The following SLC17A2 variants were observed in gnomAD, a reference collection of about 807,000 sequenced individuals.
SLC17A2 encodes the protein sodium-dependent phosphate transport protein 3.
A neutral mutation model predicts 52.1 loss-of-function variants in SLC17A2; 38 were observed. That is an observed-to-expected ratio of 0.73 (90% CI 0.56 to 0.96). SLC17A2 has a LOEUF of 0.96. Ranked by LOEUF, SLC17A2 falls within the 40% of genes least tolerant of loss-of-function variation. The probability of loss-of-function intolerance (pLI) is 0.00; values close to 1 mark genes in which losing one functional copy is unlikely to be tolerated. For synonymous variants in SLC17A2, 226 were observed against 211.9 expected (o/e 1.07, Z -0.58); for missense variants, 508 against 583.9 (o/e 0.87, Z 1.34).
chr6:25,917,405 A>T (rs1182295667), intron 6 of SLC17A2, among the ~76,000 whole-genome samples: 1 of 152,258 alleles, frequency 6.6e-6, no homozygotes, highest in Non-Finnish European at 1.5e-5. Context: ...TTAGGCAGCA[A>T]CTTCTTAATG....
Position 25,921,036 on chromosome 6 carries a change from G to A in SLC17A2, c.532C>T (p.Arg178Ter), listed in dbSNP as rs567898968. The A allele has an allele frequency of 3.1e-6, 5 of 1,614,196 alleles. No individual in the cohort carries two copies. Among genetic ancestry groups the A allele is most frequent in the Admixed American group, 1.7e-5 (1 of 60,016 alleles). ...IWAKWAPPLE[R>*]SKLTTIAGSG... ...CCTGCAATGGTGGTGAGCTTGCTTC[G>A]TTCAAGTGGAGGAGCCCACTTTGCC... Residue 178 changes from arginine (R) to a stop codon, truncating the protein, a stop_gained, in exon 5 of 12, where the codon CGA becomes TGA. Transcript: ENST00000377850. LOFTEE classifies it high-confidence loss of function.
rs924003328 is a variant in SLC17A2, at chr6:25,930,594, G to A, written c.-401C>T. On this transcript the variant is annotated 5_prime_UTR_variant, in exon 1 of 12. Transcript: ENST00000377850. ...TAGACTATAAGGCTAACTTGGAAAAGGAGGGAGTTTTCTGTCCCTTCTTCC... is the reference window on the plus strand; with the variant it reads ...TAGACTATAAGGCTAACTTGGAAAAAGAGGGAGTTTTCTGTCCCTTCTTCC... 3.9e-5 allele frequency: 6 copies of A among 152,178 alleles called. No individual in the cohort carries two copies. Among genetic ancestry groups the A allele is most frequent in the Non-Finnish European group, 5.9e-5 (4 of 68,036 alleles). 9.4% of individuals were successfully genotyped at this position (152,178 alleles called of 1,614,324 possible).
At chr6:25,917,342 T>C (rs1766365936) in intron 6 of SLC17A2, among the ~76,000 whole-genome samples, 1 of 152,268 alleles carries the variant, frequency 6.6e-6, no homozygotes, top group Non-Finnish European at 1.5e-5. Context: ...AGCGTGGCAT[T>C]GCATAGCTGA....
chr6:25,921,269 G>T lies in SLC17A2; in HGVS notation c.384C>A (p.Ile128=). 1.2e-6 allele frequency: 2 copies of T among 1,614,158 alleles called. No individual in the cohort carries two copies. The highest frequency in any genetic ancestry group is 2.2e-5 in the South Asian group (2 of 91,074). The change falls in exon 4 of 12, where the codon ATC becomes ATA. Residue 128 remains isoleucine (I), a synonymous_variant. Coordinates refer to ENST00000377850, the MANE Select transcript of SLC17A2 (RefSeq NM_001286123.3). ...AKKMLGAGLL[I]SSLLTLFTPL... Reference sequence around the variant, plus strand: ...GTGTAAAGAGGGTGAGAAGGGAAGAGATCAGCAAACCAGCACCAAGCATTT... The same window carrying T: ...GTGTAAAGAGGGTGAGAAGGGAAGATATCAGCAAACCAGCACCAAGCATTT...
Position 25,913,250 on chromosome 6 carries a change from G to C in SLC17A2, c.*67C>G. Reference sequence around the variant, plus strand: ...TGCTGAGTCTATGGTCAGGAATATGGAGAGAAGTAAAAAATGTTTAAAAAG... The same window carrying C: ...TGCTGAGTCTATGGTCAGGAATATGCAGAGAAGTAAAAAATGTTTAAAAAG... On this transcript the variant is annotated 3_prime_UTR_variant, in exon 12 of 12. Transcript: ENST00000377850. 1 of 1,556,590 alleles carries C rather than the reference G, an allele frequency of 6.4e-7. No individual in the cohort carries two copies. The highest frequency in any genetic ancestry group is 8.9e-7 in the Non-Finnish European group (1 of 1,128,086).
chr6:25,915,156 T>TATATATATATATATAC, intron 10 of SLC17A2, among the ~76,000 whole-genome samples: 1 of 106,680 alleles, frequency 9.4e-6, no homozygotes, highest in African/African-American at 4.8e-5. Context: ...ACTGTATATA[T>TATATATATATATATAC]ATATATATAT....
At position 25,921,166 on chromosome 6, in the gene SLC17A2, A is replaced by G; in HGVS notation, c.474+13T>C. The G allele has an allele frequency of 1.2e-6, 2 of 1,613,920 alleles. No individual in the cohort carries two copies. Among genetic ancestry groups the G allele is most frequent in the South Asian group, 2.2e-5 (2 of 91,066 alleles). On this transcript the variant is annotated intron_variant, in intron 4 of 11. Coordinates refer to ENST00000377850, the MANE Select transcript of SLC17A2 (RefSeq NM_001286123.3). ...ATCTGGATCCCACCAAGAATGAGAAAGTATCTGGATACCTGGGCCATGCCC... is the reference window on the plus strand; with the variant it reads ...ATCTGGATCCCACCAAGAATGAGAAGGTATCTGGATACCTGGGCCATGCCC...
rs1369588138 is a variant in SLC17A2, at chr6:25,915,495, T to C, written c.1211+4A>G. On this transcript the variant is annotated splice_donor_region_variant and intron_variant, in intron 10 of 11. Transcript: ENST00000377850. The stretch of plus-strand genomic sequence containing the variant: ...GGAGGGGAAAAAACAGGTAGAGCTC[T>C]TACCTGGGGGCGATATCTAAGGTGT... 6.5e-7 allele frequency: 1 copy of C among 1,548,994 alleles called. No homozygotes were observed. Among genetic ancestry groups the C allele is most frequent in the African/African-American group, 1.4e-5 (1 of 72,930 alleles).
chr6:25,930,364 G>A lies in SLC17A2; in HGVS notation c.-171C>T, dbSNP rs1317866987. On this transcript the variant is annotated 5_prime_UTR_variant, in exon 1 of 12. Coordinates refer to ENST00000377850, the MANE Select transcript of SLC17A2 (RefSeq NM_001286123.3). ...TTGCCCTAGGGTCTTCATTGAATCA[G>A]TTATCTTTTTCAGAGAGTCTCTTCA... is the stretch of plus-strand genomic sequence containing the variant. 3 of 152,132 alleles carry A rather than the reference G, an allele frequency of 2.0e-5. No homozygotes were observed. The highest frequency in any genetic ancestry group is 4.4e-5 in the Non-Finnish European group (3 of 68,020). The allele number at this position is 152,132 out of a possible 1,614,324, so 9.4% of individuals were successfully genotyped here.
intron 3 of SLC17A2, among the ~76,000 whole-genome samples, chr6:25,922,724 A>T (rs189597632): frequency 6.0e-4 from 92 of 152,304 alleles, no homozygotes; most frequent in Middle Eastern, 3.4e-3. Flanking sequence ...TTAAAGGATA[A>T]TTTTTTTAAT....
chr6:25,928,132 G>A (rs142261293), intron 1 of SLC17A2, among the ~76,000 whole-genome samples: 4 of 151,960 alleles, frequency 2.6e-5, no homozygotes, highest in Admixed American at 6.6e-5. Context: ...GAAAATTTGC[G>A]TAGAAAATTT....
chr6:25,920,277 C>T (rs1766502280), intron 5 of SLC17A2, among the ~76,000 whole-genome samples: 1 of 152,148 alleles, frequency 6.6e-6, no homozygotes, highest in Non-Finnish European at 1.5e-5. Flanking sequence ...CGAGTATATA[C>T]TCTCAGCACG....
At chr6:25,915,350 TA>T in intron 10 of SLC17A2, 148 bp downstream of exon 10, 2 of 721,660 alleles carry the variant, frequency 2.8e-6, no homozygotes, top group Non-Finnish European at 4.3e-6. Context: ...TTTGTTGTTC[TA>T]AAAATGGCCA....
rs1408418150 is a variant in SLC17A2, at chr6:25,913,307, C to A, written c.*10G>T. 6.2e-7 allele frequency: 1 copy of A among 1,614,082 alleles called. No individual in the cohort carries two copies. The highest frequency in any genetic ancestry group is 8.5e-7 in the Non-Finnish European group (1 of 1,179,962). On this transcript the variant is annotated 3_prime_UTR_variant, in exon 12 of 12. Transcript: ENST00000377850. The stretch of plus-strand genomic sequence containing the variant: ...CTCAGTACCACATTTAAGTTTGTAA[C>A]TTTATGTCCTCAGAGGCGGGTAAGG...
At position 25,923,648 on chromosome 6, in the gene SLC17A2, CAA is replaced by C. The variant is rs759370670; in HGVS notation, c.240+45_240+46del. On this transcript the variant is annotated intron_variant, in intron 3 of 11. Coordinates refer to ENST00000377850, the MANE Select transcript of SLC17A2 (RefSeq NM_001286123.3). ...AGAATCAAGATCTATGCCTTCCTTT[CAA>C]AGTTTTTTCTCTCAACAAAGAGCCC... 8 of 1,453,204 alleles carry C rather than the reference CAA, an allele frequency of 5.5e-6. No homozygotes were observed. The East Asian group carries it at 1.8e-4, about 33-fold the overall frequency. The allele number at this position is 1,453,204 out of a possible 1,614,324, so 90.0% of individuals were successfully genotyped here. A position where few individuals can be genotyped will look rare whatever the true frequency, so the allele number is the denominator to read the frequency against.
At chr6:25,917,880 T>A (rs1766390390) in intron 6 of SLC17A2, among the ~76,000 whole-genome samples, 1 of 152,220 alleles carries the variant, frequency 6.6e-6, no homozygotes, top group Non-Finnish European at 1.5e-5. Context: ...AAACATAGAA[T>A]GGATTCCTTG....
Position 25,913,375 on chromosome 6 carries a change from GT to G in SLC17A2, c.1378del (p.Thr460ArgfsTer27). On this transcript the variant is annotated frameshift_variant, in exon 12 of 12. Coordinates refer to ENST00000377850, the MANE Select transcript of SLC17A2 (RefSeq NM_001286123.3). LOFTEE classifies it high-confidence loss of function. ...GTCTTGAAGTTCTGCTTGTCCAAAC[GT>G]GAGGTAAAAGACCAGGCCAAACATG... ...VNMFGLVFYL[T>X]FGQAELQDWA... 1 of 1,614,006 alleles carries G rather than the reference GT, an allele frequency of 6.2e-7. No individual in the cohort carries two copies. The highest frequency in any genetic ancestry group is 8.5e-7 in the Non-Finnish European group (1 of 1,179,912).
At chr6:25,917,160 C>T (rs1766358075) in intron 6 of SLC17A2, 73 bp from the exon 7 acceptor site, 1 of 1,002,780 alleles carries the variant, frequency 1.0e-6, no homozygotes, top group Non-Finnish European at 1.6e-6. Flanking sequence ...TCTGAAGTGG[C>T]ATGCCTCTCC....
intron 6 of SLC17A2, among the ~76,000 whole-genome samples, chr6:25,918,255 C>T (rs1360634089): frequency 2.0e-5 from 3 of 152,178 alleles, no homozygotes; most frequent in African/African-American, 7.2e-5. Flanking sequence ...CGGTGGGTGC[C>T]ATGTGAATAG....
Sources: gnomAD v4.1 joint callset for allele counts (sites outside exome capture counted in the v4.1 genomes callset) on GRCh38, gnomAD v4.1.1 for gene constraint, MANE v1.5 for transcripts, NCBI Gene and HGNC (gene_info 2026-07-23, HGNC 2026-07-21) for gene names.